The following PRR16 variants were observed in gnomAD, a reference collection of about 807,000 sequenced individuals.
PRR16 encodes proline rich 16.
In PRR16, 6 loss-of-function variants were observed where a neutral mutation model predicts 18.2. That is an observed-to-expected ratio of 0.33 (90% confidence interval 0.18 to 0.65). The LOEUF (loss-of-function observed/expected upper bound fraction) is 0.65. Among genes scored for constraint, PRR16 ranks in the 30% least tolerant of loss-of-function variants. The pLI, the probability that PRR16 is intolerant of heterozygous loss-of-function variation, is 0.74. For missense variants in PRR16, 412 were observed against 376.6 expected (o/e 1.09, Z -0.78); for synonymous variants, 151 against 147.8 (o/e 1.02, Z -0.16).
chr5:120,735,550 C>G, the PRR16 span, among the ~76,000 whole-genome samples: 3 of 152,038 alleles, frequency 2.0e-5, no homozygotes, highest in Non-Finnish European at 4.4e-5. Context: ...GTTTTGATTT[C>G]CTTTTCTTTA....
At chr5:120,785,572 G>GTTTTTTTTTTTTTTTTTTTTTTTTTTT in the PRR16 span, among the ~76,000 whole-genome samples, 47 of 119,928 alleles carry the variant, frequency 3.9e-4, 9 homozygotes, top group Middle Eastern at 8.9e-3. Flanking sequence ...TTTTGTTGTT[G>GTTTTTTTTTTTTTTTTTTTTTTTTTTT]TTGTTTTTTT....
chr5:120,789,764 T>C, the PRR16 span, among the ~76,000 whole-genome samples: 3 of 152,098 alleles, frequency 2.0e-5, no homozygotes, highest in African/African-American at 4.8e-5. Flanking sequence ...AAATAATATA[T>C]ACAATTTAAA....
the PRR16 span, among the ~76,000 whole-genome samples, chr5:120,781,836 C>T: frequency 6.6e-6 from 1 of 152,040 alleles, no homozygotes; most frequent in Admixed American, 6.6e-5. Context: ...GGGAATTTCA[C>T]CAAATTCATT....
chr5:120,580,153 A>G (rs1288579640), intron 1 of PRR16, among the ~76,000 whole-genome samples: 1 of 152,158 alleles, frequency 6.6e-6, no homozygotes, highest in Non-Finnish European at 1.5e-5. Context: ...GGTTTTCTAA[A>G]TATAAAATCA....
At chr5:120,504,134 A>G (rs1285708446) in intron 1 of PRR16, among the ~76,000 whole-genome samples, 2 of 151,878 alleles carry the variant, frequency 1.3e-5, no homozygotes, top group Non-Finnish European at 2.9e-5. Flanking sequence ...TTAACTTGTC[A>G]TTTAGCATTA....
chr5:120,673,342 G>C (rs1418515271), intron 1 of PRR16, among the ~76,000 whole-genome samples: 1 of 152,180 alleles, frequency 6.6e-6, no homozygotes, highest in East Asian at 1.9e-4. Context: ...TATTTCAAGT[G>C]CAGCTCACAA....
chr5:120,481,453 G>A (rs545720795), intron 1 of PRR16, among the ~76,000 whole-genome samples: 73 of 152,128 alleles, frequency 4.8e-4, no homozygotes, highest in African/African-American at 1.2e-3. Flanking sequence ...TATCATTGCC[G>A]ATGTTGTTTC....
intron 1 of PRR16, among the ~76,000 whole-genome samples, chr5:120,496,135 T>C (rs971733035): frequency 2.6e-5 from 4 of 152,088 alleles, no homozygotes; most frequent in Non-Finnish European, 5.9e-5. Context: ...CTTGATTAAA[T>C]GCTACTTGAT....
At chr5:120,666,551 A>G (rs918360527) in intron 1 of PRR16, among the ~76,000 whole-genome samples, 3 of 152,098 alleles carry the variant, frequency 2.0e-5, no homozygotes, top group African/African-American at 7.2e-5. Context: ...TTCAAAGGGA[A>G]TGCTTCCAGT....
chr5:120,683,693 A>G (rs541448987), intron 1 of PRR16, among the ~76,000 whole-genome samples: 11 of 152,166 alleles, frequency 7.2e-5, no homozygotes, highest in Non-Finnish European at 1.5e-4. Flanking sequence ...CAGGTTCAGT[A>G]ATGTCACATG....
At chr5:120,768,433 A>T in the PRR16 span, among the ~76,000 whole-genome samples, 1 of 151,578 alleles carries the variant, frequency 6.6e-6, no homozygotes, top group Non-Finnish European at 1.5e-5. Context: ...ATTCCTTGAA[A>T]ATTATCAGTT....
chr5:120,654,845 GA>G (rs1328579565), intron 1 of PRR16, among the ~76,000 whole-genome samples: 1 of 151,108 alleles, frequency 6.6e-6, no homozygotes, highest in Non-Finnish European at 1.5e-5. Flanking sequence ...AAAAATGAGG[GA>G]AAAAAAGATA....
intron 1 of PRR16, among the ~76,000 whole-genome samples, chr5:120,577,350 A>G (rs931451484): frequency 2.0e-5 from 3 of 152,004 alleles, no homozygotes; most frequent in Admixed American, 6.6e-5. Flanking sequence ...TAGAAAGTAG[A>G]GAGAGACTGT....
intron 1 of PRR16, among the ~76,000 whole-genome samples, chr5:120,497,264 T>C (rs765300329): frequency 3.9e-5 from 6 of 152,156 alleles, no homozygotes; most frequent in Non-Finnish European, 5.9e-5. Context: ...GCTGTATGTT[T>C]CTAGTTACCC....
chr5:120,554,197 G>A (rs1218916253), intron 1 of PRR16, among the ~76,000 whole-genome samples: 1 of 151,810 alleles, frequency 6.6e-6, no homozygotes, highest in African/African-American at 2.4e-5. Flanking sequence ...AACTCACCTT[G>A]GGAGGATATT....
chr5:120,493,839 C>T (rs1750150657), intron 1 of PRR16, among the ~76,000 whole-genome samples: 1 of 152,078 alleles, frequency 6.6e-6, no homozygotes. Flanking sequence ...TCTGGAGATT[C>T]ATGCAGGTTA....
the PRR16 span, among the ~76,000 whole-genome samples, chr5:120,763,700 C>T: frequency 6.6e-6 from 1 of 151,894 alleles, no homozygotes; most frequent in African/African-American, 2.4e-5. Context: ...GGATTTCTTT[C>T]TCTTTGTTCA....
chr5:120,655,242 C>T (rs759250590), intron 1 of PRR16, among the ~76,000 whole-genome samples: 2 of 151,584 alleles, frequency 1.3e-5, no homozygotes, highest in Non-Finnish European at 2.9e-5. Flanking sequence ...TGCTTATTTT[C>T]TCTTGGTGAT....
the PRR16 span, among the ~76,000 whole-genome samples, chr5:120,747,309 A>G: frequency 6.6e-6 from 1 of 152,166 alleles, no homozygotes; most frequent in African/African-American, 2.4e-5. Context: ...TGCTTCATAC[A>G]TTCAAGTTTT....
Sources: gnomAD v4.1 joint callset for allele counts (sites outside exome capture counted in the v4.1 genomes callset) on GRCh38, gnomAD v4.1.1 for gene constraint, MANE v1.5 for transcripts, NCBI Gene and HGNC (gene_info 2026-07-23, HGNC 2026-07-21) for gene names.